TMPRSS3: variants seen among roughly 807,000 people sequenced by gnomAD.
TMPRSS3 encodes transmembrane protease serine 3.
A neutral mutation model predicts 59.6 loss-of-function variants in TMPRSS3; 55 were observed. The observed-to-expected ratio is 0.92, with a 90% CI of 0.74 to 1.16. The LOEUF (loss-of-function observed/expected upper bound fraction) is 1.16, where lower values mean the gene tolerates loss of function less well. Among genes scored for constraint, TMPRSS3 ranks in the 50% most tolerant of loss-of-function variants. The pLI is 0.00. For synonymous variants in TMPRSS3, 257 were observed against 237.7 expected (o/e 1.08, Z -0.75); for missense variants, 596 against 579.4 (o/e 1.03, Z -0.29).
At chr21:42,376,237 G>A (rs2052425911) in intron 11 of TMPRSS3, among the ~76,000 whole-genome samples, 1 of 152,122 alleles carries the variant, frequency 6.6e-6, no homozygotes, top group African/African-American at 2.4e-5. Flanking sequence ...GCTTTCGGAG[G>A]GCCAGATTCA....
intron 12 of TMPRSS3, among the ~76,000 whole-genome samples, chr21:42,374,453 C>T (rs953821246): frequency 3.3e-5 from 5 of 152,226 alleles, no homozygotes; most frequent in East Asian, 1.9e-4. Context: ...CGGGAATTAA[C>T]GCCTGAGGCA....
chr21:42,375,854 C>G lies in TMPRSS3; in HGVS notation c.1206G>C (p.Gly402=). ...GVDSCQGDSG[G]PLVCQERRLW... Reference sequence around the variant, plus strand: ...GCCTCCTCTCTTGACACACCAGGGGCCCCCCGCTGTCCCCCTGGGTGACAG... The same window carrying G: ...GCCTCCTCTCTTGACACACCAGGGGGCCCCCGCTGTCCCCCTGGGTGACAG... The change falls in exon 12 of 13, where the codon GGG becomes GGC. Residue 402 remains glycine (G), a synonymous_variant. Transcript: ENST00000644384. The G allele has an allele frequency of 6.2e-7, 1 of 1,613,612 alleles. No homozygotes were observed. The highest frequency in any genetic ancestry group is 1.1e-5 in the South Asian group (1 of 91,074).
In TMPRSS3 at chr21:42,372,143, G is replaced by A. The variant is rs1446593293; in HGVS notation, c.*619C>T. 1.1e-5 allele frequency: 5 copies of A among 453,912 alleles called. No homozygotes were observed. The highest frequency in any genetic ancestry group is 2.2e-5 in the Non-Finnish European group (5 of 226,630). 28.1% of individuals were successfully genotyped at this position (453,912 alleles called of 1,614,324 possible). A position where few individuals can be genotyped will look rare whatever the true frequency, so the allele number is the denominator to read the frequency against. On this transcript the variant is annotated 3_prime_UTR_variant, in exon 13 of 13. Transcript: ENST00000644384. ...AGTGGCTGTTGGTGGCTTTGCACGT[G>A]AGGTCACATAACTGCTTATCTCGTC...
At chr21:42,383,564 A>G (rs530202160) in intron 7 of TMPRSS3, 3 of 503,190 alleles carry the variant, frequency 6.0e-6, no homozygotes, top group Non-Finnish European at 1.1e-5. Context: ...TGGTGCACGC[A>G]CCTCCCTGAC....
intron 10 of TMPRSS3, among the ~76,000 whole-genome samples, chr21:42,377,614 C>T (rs557652866): frequency 4.6e-5 from 7 of 152,292 alleles, no homozygotes; most frequent in South Asian, 2.1e-4. Context: ...GGGCCAAGCA[C>T]GCCCCCGACA....
chr21:42,388,798 G>A lies in TMPRSS3; in HGVS notation c.322+131C>T, dbSNP rs764144020. 1.7e-5 allele frequency: 17 copies of A among 984,714 alleles called. No homozygotes were observed. The highest frequency in any genetic ancestry group is 3.9e-5 in the South Asian group (3 of 76,124). 61.0% of individuals were successfully genotyped at this position (984,714 alleles called of 1,614,324 possible). ...CAGCCCAACATGTCTTTGGGCAAAC[G>A]CCAGTTCAATCCCAGCTGAAGACAT... On this transcript the variant is annotated intron_variant, in intron 4 of 12. Transcript: ENST00000644384. The surrounding 1 kb of genome is among the most constrained non-coding windows in gnomAD (Gnocchi z 5.1).
intron 5 of TMPRSS3, among the ~76,000 whole-genome samples, chr21:42,387,366 T>C (rs1260225929): frequency 2.2e-5 from 2 of 91,168 alleles, no homozygotes; most frequent in Admixed American, 2.0e-4. Flanking sequence ...CTCTCAGCTG[T>C]GTGCAGTGTG....
rs2052668739 is a variant in TMPRSS3 at position 42,388,309 on chromosome 21, G to C, written c.446+94C>G. 6.4e-7 allele frequency: 1 copy of C among 1,553,436 alleles called. No homozygotes were observed. Among genetic ancestry groups the C allele is most frequent in the African/African-American group, 1.4e-5 (1 of 73,652 alleles). On this transcript the variant is annotated intron_variant, in intron 5 of 12. Transcript: ENST00000644384. The surrounding 1 kb of genome is among the most constrained non-coding windows in gnomAD (Gnocchi z 5.1). ...GAGGATGTAATCTGAGAGCGTTAAA[G>C]CACCCAATAGTGCCCAACTAAATGG...
chr21:42,381,314 T>A (rs773501655), intron 9 of TMPRSS3, among the ~76,000 whole-genome samples: 2 of 152,198 alleles, frequency 1.3e-5, no homozygotes, highest in African/African-American at 2.4e-5. Flanking sequence ...AGCTGCTGGT[T>A]GGGAGAGAAC....
chr21:42,392,333 A>G (rs1363188015), intron 2 of TMPRSS3, among the ~76,000 whole-genome samples: 2 of 152,222 alleles, frequency 1.3e-5, no homozygotes, highest in African/African-American at 4.8e-5. Flanking sequence ...TGCGAGGAGA[A>G]AAGAGTGTGC....
rs182209675 is a variant in TMPRSS3, at chr21:42,395,367, C to T, written c.51G>A (p.Ser17=). The T allele has an allele frequency of 8.7e-6, 14 of 1,614,158 alleles. No homozygotes were observed. The highest frequency in any genetic ancestry group is 1.3e-5 in the African/African-American group (1 of 75,052). The part of the protein sequence containing the change: ...PAVEAPFSFR[S]LFGLDDLKIS... The stretch of plus-strand genomic sequence containing the variant: ...TTTTCAAATCATCAAGGCCAAAAAG[C>T]GATCGGAATGAGAAGGGGGCTTCAA... The change falls in exon 2 of 13, where the codon TCG becomes TCA. Residue 17 remains serine, a synonymous_variant. Coordinates refer to ENST00000644384, the MANE Select transcript of TMPRSS3 (RefSeq NM_001256317.3).
rs1334200431 is a variant in TMPRSS3, at chr21:42,376,018, AACCCACCAGCCCTTCC to A, written c.1192-166_1192-151del. ...ATGGATGACCCAGGTTACAGAAGGG[AACCCACCAGCCCTTCC>A]AGACACAGCATCCCCAAGGGAGGAT... On this transcript the variant is annotated intron_variant, in intron 11 of 12. Transcript: ENST00000644384. 7 of 1,035,066 alleles carry A rather than the reference AACCCACCAGCCCTTCC, an allele frequency of 6.8e-6. No individual in the cohort carries two copies. The Admixed American group carries it at 1.3e-4, about 20-fold the overall frequency. The allele number at this position is 1,035,066 out of a possible 1,614,324, so 64.1% of individuals were successfully genotyped here. A position where few individuals can be genotyped will look rare whatever the true frequency, so the allele number is the denominator to read the frequency against.
chr21:42,376,567 G>T lies in TMPRSS3; in HGVS notation c.1165C>A (p.Leu389Met), dbSNP rs371402895. Residue 389 changes from leucine to methionine, a missense_variant, in exon 11 of 13, where the codon CTG becomes ATG. Physicochemically the swap from Leu to Met is conservative, Grantham distance 15. Transcript: ENST00000644384. ...ISPSMLCAGY[L>M]TGGVDSCQGD... Reference sequence around the variant, plus strand: ...TGGCAGCTGTCCACGCCACCCGTCAGGTAGCCCGCGCAGAGCATGGAGGGG... The same window carrying T: ...TGGCAGCTGTCCACGCCACCCGTCATGTAGCCCGCGCAGAGCATGGAGGGG... The T allele has an allele frequency of 3.1e-6, 5 of 1,613,682 alleles. No individual in the cohort carries two copies. The highest frequency in any genetic ancestry group is 3.4e-6 in the Non-Finnish European group (4 of 1,179,966).
intron 8 of TMPRSS3, 89 bp from the exon 9 acceptor site, chr21:42,382,323 G>T: frequency 8.4e-7 from 1 of 1,191,514 alleles, no homozygotes; most frequent in East Asian, 2.5e-5. Context: ...CTAGGAAGAT[G>T]GTGGGAGAGG....
chr21:42,379,566 C>G (rs1001382683), intron 10 of TMPRSS3, among the ~76,000 whole-genome samples: 16 of 152,234 alleles, frequency 1.1e-4, no homozygotes, highest in African/African-American at 3.4e-4. Context: ...ATGGAAAAAC[C>G]TAAGACTCAT....
chr21:42,395,201 G>A (rs2052786596), intron 2 of TMPRSS3, 123 bp downstream of exon 2: 4 of 818,534 alleles, frequency 4.9e-6, no homozygotes, highest in Non-Finnish European at 8.4e-6. Flanking sequence ...AAGTGCAGGT[G>A]TCCAGCCTGT....
In TMPRSS3 at chr21:42,376,611, A is replaced by G; in HGVS notation, c.1121T>C (p.Val374Ala). The G allele has an allele frequency of 6.2e-7, 1 of 1,614,046 alleles. No homozygotes were observed. The highest frequency in any genetic ancestry group is 8.5e-7 in the Non-Finnish European group (1 of 1,180,026). ...GGAGGGGGAGATGATGCCACCGTAC[A>G]CGTCCCTGTGGTTGCAGATCTTGTT... The part of the protein sequence containing the change: ...ISNKICNHRD[V>A]YGGIISPSML... Residue 374 changes from valine to alanine, a missense_variant, in exon 11 of 13, where the codon GTG becomes GCG. Val to Ala is a moderately conservative substitution (Grantham distance 64). Coordinates refer to ENST00000644384, the MANE Select transcript of TMPRSS3 (RefSeq NM_001256317.3).
chr21:42,382,735 G>C (rs553551628), intron 8 of TMPRSS3: 1 of 486,512 alleles, frequency 2.1e-6, no homozygotes, highest in East Asian at 4.0e-5. Context: ...ATTAGCTATG[G>C]GAAGGTCTAG....
At chr21:42,377,225 A>T (rs1174733784) in intron 10 of TMPRSS3, among the ~76,000 whole-genome samples, 1 of 152,222 alleles carries the variant, frequency 6.6e-6, no homozygotes, top group East Asian at 1.9e-4. Flanking sequence ...TGGGGAGATG[A>T]TCCCAAGTAA....
Sources: allele counts gnomAD v4.1 joint callset (sites outside exome capture counted in the v4.1 genomes callset), GRCh38; gene constraint gnomAD v4.1.1; non-coding constraint Gnocchi (gnomAD v3.1); transcripts MANE v1.5; gene names NCBI Gene and HGNC (gene_info 2026-07-23, HGNC 2026-07-21).